Variants in DACH1 observed in about 807,000 individuals in gnomAD.
The protein encoded by DACH1 is dachshund family transcription factor 1.
Under a neutral mutation model 54.2 loss-of-function variants are expected in DACH1, and 12 were observed. That is an observed-to-expected ratio of 0.22 (90% CI 0.14 to 0.36). DACH1 has a LOEUF of 0.36. Among genes scored for constraint, DACH1 ranks in the 10% least tolerant of loss-of-function variants. DACH1 has a pLI of 1.00. For synonymous variants in DACH1, 386 were observed against 366.2 expected (o/e 1.05, Z -0.62); for missense variants, 805 against 929.8 (o/e 0.87, Z 1.75).
intron 1 of DACH1, among the ~76,000 whole-genome samples, chr13:71,706,615 T>G (rs189536241): frequency 6.6e-6 from 1 of 152,300 alleles, no homozygotes; most frequent in African/African-American, 2.4e-5. Context: ...TCATGTTTTC[T>G]TGATAATTTC....
At chr13:71,640,804 T>C (rs1213197681) in intron 2 of DACH1, among the ~76,000 whole-genome samples, 2 of 152,068 alleles carry the variant, frequency 1.3e-5, no homozygotes, top group Admixed American at 6.6e-5. Context: ...TGTTAATGTA[T>C]TGGTGATAGT....
rs1350202791 is a variant in DACH1 at position 71,866,536 on chromosome 13, G to A, written c.234C>T (p.Gly78=). ...ATVTSTGGGG[G]GGGSGGGGGS... ...CGCCGCCGCCTCCGCTGCCGCCGCCGCCGCCGCCGCCGCCGGTAGAGGTGA... is the reference window on the plus strand; with the variant it reads ...CGCCGCCGCCTCCGCTGCCGCCGCCACCGCCGCCGCCGCCGGTAGAGGTGA... Residue 78 remains glycine (G), a synonymous_variant, in exon 1 of 11, where the codon GGC becomes GGT. Coordinates refer to ENST00000613252, the MANE Select transcript of DACH1 (RefSeq NM_080759.6). The A allele has an allele frequency of 4.1e-6, 5 of 1,227,284 alleles. No homozygotes were observed. Among genetic ancestry groups the A allele is most frequent in the East Asian group, 6.3e-5 (2 of 31,592 alleles). The allele number at this position is 1,227,284 out of a possible 1,614,324, so 76.0% of individuals were successfully genotyped here. A position where few individuals can be genotyped will look rare whatever the true frequency, so the allele number is the denominator to read the frequency against.
intron 1 of DACH1, among the ~76,000 whole-genome samples, chr13:71,732,850 C>T (rs538076700): frequency 6.6e-6 from 1 of 152,240 alleles, no homozygotes; most frequent in South Asian, 2.1e-4. Flanking sequence ...CAATCACTCC[C>T]CTATAGGTTA....
At chr13:71,514,027 A>T (rs1880977294) in intron 6 of DACH1, among the ~76,000 whole-genome samples, 1 of 152,092 alleles carries the variant, frequency 6.6e-6, no homozygotes, top group Non-Finnish European at 1.5e-5. Flanking sequence ...TTAGCCATAT[A>T]ATCAATACTG....
At chr13:71,794,866 T>C (rs1158303707) in intron 1 of DACH1, among the ~76,000 whole-genome samples, 1 of 152,210 alleles carries the variant, frequency 6.6e-6, no homozygotes, top group East Asian at 1.9e-4. Context: ...AAAAAACTAA[T>C]GCCCTTTAAA....
chr13:71,502,128 T>C (rs1252715904), intron 6 of DACH1, among the ~76,000 whole-genome samples: 1 of 152,128 alleles, frequency 6.6e-6, no homozygotes, highest in Non-Finnish European at 1.5e-5. Flanking sequence ...AATTGTATCT[T>C]GGAATAGAAG....
intron 1 of DACH1, among the ~76,000 whole-genome samples, chr13:71,721,065 G>C (rs1053795999): frequency 1.3e-5 from 2 of 152,098 alleles, no homozygotes; most frequent in African/African-American, 4.8e-5. Flanking sequence ...ATTACCTATG[G>C]ATATTTAAGA....
At position 71,672,106 on chromosome 13, in the gene DACH1, T is replaced by C. The variant is rs921500319; in HGVS notation, c.964+9689A>G. ...ACTGAACATAATATTCCAGATGCCATCTGAAGTGTAGAGCAAAATAGTACT... is the reference window on the plus strand; with the variant it reads ...ACTGAACATAATATTCCAGATGCCACCTGAAGTGTAGAGCAAAATAGTACT... On this transcript the variant is annotated intron_variant, in intron 2 of 10. Coordinates refer to ENST00000613252, the MANE Select transcript of DACH1 (RefSeq NM_080759.6). 2.0e-5 allele frequency among the ~76,000 whole-genome samples: 3 copies of C among 152,150 alleles called. No homozygotes were observed. In the South Asian group the frequency reaches 6.2e-4, roughly 31 times the overall value.
At chr13:71,735,990 G>T (rs1174970788) in intron 1 of DACH1, among the ~76,000 whole-genome samples, 1 of 151,936 alleles carries the variant, frequency 6.6e-6, no homozygotes, top group South Asian at 2.1e-4. Context: ...TTTCTTAAAA[G>T]GTCATATAAA....
chr13:71,762,813 G>C (rs1244637005), intron 1 of DACH1, among the ~76,000 whole-genome samples: 1 of 142,710 alleles, frequency 7.0e-6, no homozygotes, highest in Non-Finnish European at 1.5e-5. Context: ...CTAAGTGGTA[G>C]ATACACTACC....
At chr13:71,481,045 G>A (rs1877986554) in intron 7 of DACH1, among the ~76,000 whole-genome samples, 2 of 152,128 alleles carry the variant, frequency 1.3e-5, no homozygotes, top group Admixed American at 1.3e-4. Flanking sequence ...TTCTTCGTCA[G>A]GAACAAACAA....
intron 6 of DACH1, among the ~76,000 whole-genome samples, chr13:71,552,832 T>TGG (rs1883944171): frequency 2.6e-5 from 1 of 38,822 alleles, no homozygotes; most frequent in Middle Eastern, 0.014. Context: ...TATATATATA[T>TGG]ATATATATAT....
chr13:71,485,575 C>CTTTTTTTTTTTTTTTTTTTTTTTT (rs68024614), intron 7 of DACH1, among the ~76,000 whole-genome samples: 1 of 46,146 alleles, frequency 2.2e-5, no homozygotes, highest in African/African-American at 7.8e-5. Flanking sequence ...TTCTTTTCTT[C>CTTTTTTTTTTTTTTTTTTTTTTTT]TTTTTTTTTT....
intron 3 of DACH1, among the ~76,000 whole-genome samples, chr13:71,599,961 A>C (rs1188498041): frequency 6.6e-6 from 1 of 152,044 alleles, no homozygotes; most frequent in African/African-American, 2.4e-5. Context: ...TGTCTTTACC[A>C]TAATTTTCAG....
At chr13:71,447,755 C>G (rs1874599324) in intron 10 of DACH1, among the ~76,000 whole-genome samples, 1 of 151,620 alleles carries the variant, frequency 6.6e-6, no homozygotes, top group Non-Finnish European at 1.5e-5. Flanking sequence ...ATTGCTTGAA[C>G]CCAGGAAGCG....
intron 2 of DACH1, among the ~76,000 whole-genome samples, chr13:71,655,520 G>A (rs759460273): frequency 6.6e-6 from 1 of 151,374 alleles, no homozygotes; most frequent in Non-Finnish European, 1.5e-5. Flanking sequence ...ACAGGTGCCC[G>A]CCACCATGCC....
In DACH1 at chr13:71,630,726, A is replaced by G. The variant is rs1877034645; in HGVS notation, c.965-9T>C. 6.4e-7 allele frequency: 1 copy of G among 1,551,710 alleles called. No individual in the cohort carries two copies. The highest frequency in any genetic ancestry group is 1.4e-5 in the African/African-American group (1 of 71,954). On this transcript the variant is annotated splice_polypyrimidine_tract_variant and intron_variant, in intron 2 of 10. Coordinates refer to ENST00000613252, the MANE Select transcript of DACH1 (RefSeq NM_080759.6). ...AGCGGCTGCTGTCAGACCTTAAAAG[A>G]ATAAATTAAAAATGAGGTAATTCAA...
intron 6 of DACH1, among the ~76,000 whole-genome samples, chr13:71,547,759 T>C (rs1238356314): frequency 6.6e-6 from 1 of 152,172 alleles, no homozygotes; most frequent in Non-Finnish European, 1.5e-5. Context: ...CCATATTAAC[T>C]TTTGATCTAT....
intron 6 of DACH1, among the ~76,000 whole-genome samples, chr13:71,549,382 T>C (rs972088545): frequency 6.6e-6 from 1 of 152,048 alleles, no homozygotes; most frequent in Non-Finnish European, 1.5e-5. Flanking sequence ...ATTAAGAAAA[T>C]AAAGCAGATT....
Sources: allele counts gnomAD v4.1 joint callset (sites outside exome capture counted in the v4.1 genomes callset), GRCh38; gene constraint gnomAD v4.1.1; transcripts MANE v1.5; gene names NCBI Gene and HGNC (gene_info 2026-07-23, HGNC 2026-07-21).